Variants in PRKCH observed in about 807,000 individuals in gnomAD.
The protein encoded by PRKCH is protein kinase C eta.
PRKCH carries 28 observed loss-of-function variants against 82.5 expected under a neutral mutation model. The observed-to-expected ratio is 0.34, with a 90% CI of 0.25 to 0.47. The LOEUF is 0.47. Ranked by LOEUF, PRKCH falls within the 20% of genes least tolerant of loss-of-function variation. PRKCH has a pLI of 1.00. For synonymous variants in PRKCH, 322 were observed against 327.4 expected (o/e 0.98, Z 0.18); for missense variants, 705 against 881.8 (o/e 0.80, Z 2.54).
chr14:61,528,962 A>ACGTGTGTG (rs1169181545), intron 10 of PRKCH, 113 bp from the exon 11 acceptor site: 13 of 932,392 alleles, frequency 1.4e-5, no homozygotes, highest in South Asian at 4.2e-5. Context: ...ATGCGGCCGC[A>ACGTGTGTG]TGTGGCCGCA....
chr14:61,542,762 C>T (rs1325010597), intron 12 of PRKCH, among the ~76,000 whole-genome samples: 2 of 152,046 alleles, frequency 1.3e-5, no homozygotes, highest in African/African-American at 4.8e-5. Flanking sequence ...CATTTGGGTC[C>T]CATTAGGGAC....
chr14:61,205,813 T>A (rs2044518702), intron 1 of PRKCH, among the ~76,000 whole-genome samples: 1 of 152,196 alleles, frequency 6.6e-6, no homozygotes, highest in Non-Finnish European at 1.5e-5. Context: ...TGAGAGGAAT[T>A]CCGTACTGTT....
chr14:61,293,591 T>C (rs1222126111), intron 1 of PRKCH, among the ~76,000 whole-genome samples: 1 of 152,242 alleles, frequency 6.6e-6, no homozygotes, highest in Non-Finnish European at 1.5e-5. Context: ...CTGAAGATTT[T>C]TTTTAAAATT....
intron 1 of PRKCH, among the ~76,000 whole-genome samples, chr14:61,263,573 G>A (rs1159789359): frequency 6.6e-6 from 1 of 152,032 alleles, no homozygotes; most frequent in Non-Finnish European, 1.5e-5. Flanking sequence ...ATACTACACT[G>A]CCTTCTCAAT....
intron 6 of PRKCH, among the ~76,000 whole-genome samples, chr14:61,452,397 C>A (rs1473640524): frequency 6.6e-6 from 1 of 152,088 alleles, no homozygotes; most frequent in African/African-American, 2.4e-5. Flanking sequence ...GATGGACTGA[C>A]TCCATAAAAC....
At chr14:61,506,310 C>G (rs150190094) in intron 10 of PRKCH, among the ~76,000 whole-genome samples, 2 of 152,082 alleles carry the variant, frequency 1.3e-5, no homozygotes, top group Non-Finnish European at 1.5e-5. Flanking sequence ...CATATTGCGG[C>G]GGTACTTCAG....
intron 10 of PRKCH, among the ~76,000 whole-genome samples, chr14:61,512,230 G>A (rs1887409021): frequency 1.3e-5 from 2 of 150,876 alleles, no homozygotes; most frequent in Admixed American, 6.6e-5. Context: ...CCTGAAACTG[G>A]GCAGATGATC....
At chr14:61,464,459 A>G (rs1333406822) in intron 9 of PRKCH, among the ~76,000 whole-genome samples, 1 of 151,966 alleles carries the variant, frequency 6.6e-6, no homozygotes, top group Non-Finnish European at 1.5e-5. Context: ...ATAGGTGTAC[A>G]TGTGCCATGG....
chr14:61,385,312 A>G (rs1443307803), intron 1 of PRKCH, among the ~76,000 whole-genome samples: 1 of 150,936 alleles, frequency 6.6e-6, no homozygotes, highest in Non-Finnish European at 1.5e-5. Context: ...GAATGAACTG[A>G]CTGGATTTGC....
At chr14:61,324,071 A>T (rs941558466) in intron 1 of PRKCH, among the ~76,000 whole-genome samples, 26 of 152,192 alleles carry the variant, frequency 1.7e-4, no homozygotes, top group Admixed American at 1.4e-3. Flanking sequence ...AAGATTCTAG[A>T]TAGGAATCTC....
intron 10 of PRKCH, 90 bp from the exon 11 acceptor site, chr14:61,528,973 CGTGTGTGTGTGT>C (rs57920054): frequency 2.3e-5 from 13 of 565,694 alleles, no homozygotes; most frequent in Middle Eastern, 5.7e-4. Flanking sequence ...TGTGGCCGCA[CGTGTGTGTGTGT>C]GTGTGTGTGT....
intron 1 of PRKCH, among the ~76,000 whole-genome samples, chr14:61,347,638 A>T (rs372471116): frequency 1.7e-4 from 26 of 152,344 alleles, no homozygotes; most frequent in African/African-American, 6.3e-4. Context: ...CACTTAATGT[A>T]GGCCCCTTGG....
chr14:61,339,177 T>C (rs1470293010), intron 1 of PRKCH, among the ~76,000 whole-genome samples: 1 of 151,860 alleles, frequency 6.6e-6, no homozygotes, highest in Non-Finnish European at 1.5e-5. Context: ...TTTAGAAAGG[T>C]CTGAGTCTTG....
chr14:61,509,534 A>C (rs964693298), intron 10 of PRKCH, among the ~76,000 whole-genome samples: 5 of 152,140 alleles, frequency 3.3e-5, no homozygotes, highest in Non-Finnish European at 7.3e-5. Context: ...AAGATATGGT[A>C]CCATAAATGC....
At chr14:61,337,502 C>T (rs950812178) in intron 1 of PRKCH, among the ~76,000 whole-genome samples, 1 of 151,172 alleles carries the variant, frequency 6.6e-6, no homozygotes, top group Non-Finnish European at 1.5e-5. Flanking sequence ...CTCACTGTAA[C>T]CTTGACCTCC....
In PRKCH at chr14:61,208,017, T is replaced by C. The variant is rs148518900; in HGVS notation, c.-19+20349T>C. Among the ~76,000 whole-genome samples, 323 of 152,348 alleles carry C rather than the reference T, an allele frequency of 2.1e-3. 1 individual carries two copies. The highest frequency in any genetic ancestry group is 7.5e-3 in the African/African-American group (312 of 41,582). On this transcript the variant is annotated intron_variant, in intron 1 of 3. Coordinates refer to the PRKCH transcript ENST00000555185. ...GGCTGTTTGAATGTGAAATGGGGTT[T>C]ACATTAGAAGCACAGAAACCAAGCG...
intron 10 of PRKCH, among the ~76,000 whole-genome samples, chr14:61,514,085 T>C (rs2042786492): frequency 6.6e-6 from 1 of 152,034 alleles, no homozygotes; most frequent in Non-Finnish European, 1.5e-5. Flanking sequence ...CCTACCCTGC[T>C]TCACCCACGC....
intron 12 of PRKCH, among the ~76,000 whole-genome samples, chr14:61,533,038 C>T (rs920219915): frequency 4.6e-5 from 7 of 152,178 alleles, no homozygotes; most frequent in Non-Finnish European, 8.8e-5. Context: ...CTCACAGTGC[C>T]GGGCCTGCCT....
chr14:61,443,589 A>G (rs1459202202), intron 3 of PRKCH, among the ~76,000 whole-genome samples: 1 of 152,238 alleles, frequency 6.6e-6, no homozygotes, highest in Non-Finnish European at 1.5e-5. Flanking sequence ...ATCAGCCCCT[A>G]AGGACCAAAG....
Sources: allele counts gnomAD v4.1 joint callset (sites outside exome capture counted in the v4.1 genomes callset), GRCh38; gene constraint gnomAD v4.1.1; transcripts MANE v1.5; gene names NCBI Gene and HGNC (gene_info 2026-07-23, HGNC 2026-07-21).